Variants in PDE4B observed in about 807,000 individuals in gnomAD.
The protein encoded by PDE4B is phosphodiesterase 4B, also known as 3',5'-cyclic-AMP phosphodiesterase 4B.
Under a neutral mutation model 82.2 loss-of-function variants are expected in PDE4B, and 20 were observed. The ratio of observed to expected loss-of-function variants is 0.24; its 90% CI spans 0.17 to 0.35. PDE4B has a LOEUF of 0.35. Ranked by LOEUF, PDE4B falls within the 10% of genes least tolerant of loss-of-function variation. PDE4B has a pLI of 1.00. For synonymous variants in PDE4B, 320 were observed against 318.9 expected (o/e 1.00, Z -0.04); for missense variants, 655 against 907.2 (o/e 0.72, Z 3.57).
intron 1 of PDE4B, among the ~76,000 whole-genome samples, chr1:65,799,235 A>G (rs1645667907): frequency 6.6e-6 from 1 of 152,212 alleles, no homozygotes; most frequent in African/African-American, 2.4e-5. Context: ...AGCCATAAGG[A>G]AATCTAAGTT....
chr1:66,148,145 C>T (rs1400684578), intron 3 of PDE4B, among the ~76,000 whole-genome samples: 1 of 152,042 alleles, frequency 6.6e-6, no homozygotes, highest in Non-Finnish European at 1.5e-5. Flanking sequence ...TGGTGAGTAC[C>T]TGTAATTTCA....
chr1:66,091,893 A>G (rs1645032881), intron 3 of PDE4B, among the ~76,000 whole-genome samples: 1 of 152,120 alleles, frequency 6.6e-6, no homozygotes, highest in African/African-American at 2.4e-5. Flanking sequence ...AAGACAAATT[A>G]TACTGGGTAA....
intron 3 of PDE4B, among the ~76,000 whole-genome samples, chr1:66,083,312 A>G (rs963276604): frequency 6.6e-6 from 1 of 152,046 alleles, no homozygotes; most frequent in African/African-American, 2.4e-5. Context: ...GCCTAACTAT[A>G]TAATCATTTT....
chr1:65,958,987 C>T (rs1649412804), intron 3 of PDE4B, among the ~76,000 whole-genome samples: 1 of 152,154 alleles, frequency 6.6e-6, no homozygotes, highest in Non-Finnish European at 1.5e-5. Context: ...CTGTGCTTCC[C>T]AGATGCAGAA....
At chr1:66,312,466 C>T (rs1570672365) in intron 7 of PDE4B, among the ~76,000 whole-genome samples, 1 of 152,196 alleles carries the variant, frequency 6.6e-6, no homozygotes, top group South Asian at 2.1e-4. Context: ...CTGGTCAGAC[C>T]TTTCTCACCT....
chr1:66,339,724 A>G (rs904621774), intron 8 of PDE4B, among the ~76,000 whole-genome samples: 1 of 152,228 alleles, frequency 6.6e-6, no homozygotes, highest in Non-Finnish European at 1.5e-5. Flanking sequence ...ATGTAAATGT[A>G]GAACACTAGT....
intron 3 of PDE4B, among the ~76,000 whole-genome samples, chr1:66,129,338 G>A (rs1570302856): frequency 6.6e-6 from 1 of 152,160 alleles, no homozygotes; most frequent in African/African-American, 2.4e-5. Context: ...TGCCCCTTAC[G>A]AAGTCTGTAA....
intron 1 of PDE4B, among the ~76,000 whole-genome samples, chr1:65,839,872 A>G (rs1447992604): frequency 1.3e-5 from 2 of 152,158 alleles, no homozygotes; most frequent in Non-Finnish European, 2.9e-5. Context: ...GGTTGAACTA[A>G]TTTACACTCC....
chr1:66,361,763 C>A lies in PDE4B; in HGVS notation c.990C>A (p.Val330=). Residue 330 remains valine, a synonymous_variant, in exon 10 of 17, where the codon GTC becomes GTA. Transcript: ENST00000341517. ...LNNTSISRFG[V]NTENEDHLAK... is the part of the protein sequence containing the mutation. ...ATACAAGCATCTCACGCTTTGGAGT[C>A]AACACTGAAAATGAAGATCACCTGG... 1.2e-6 allele frequency: 2 copies of A among 1,612,234 alleles called. No homozygotes were observed. Among genetic ancestry groups the A allele is most frequent in the South Asian group, 2.2e-5 (2 of 90,846 alleles).
intron 3 of PDE4B, among the ~76,000 whole-genome samples, chr1:66,059,482 A>G (rs142890074): frequency 2.0e-5 from 3 of 152,286 alleles, no homozygotes; most frequent in African/African-American, 4.8e-5. Context: ...TCAATTTACA[A>G]AAGGAAGAAG....
intron 1 of PDE4B, among the ~76,000 whole-genome samples, chr1:65,889,869 G>A (rs537714223): frequency 2.0e-5 from 3 of 152,162 alleles, no homozygotes; most frequent in South Asian, 4.1e-4. Flanking sequence ...ATGACTATTG[G>A]TATAAACAGT....
chr1:65,962,940 A>C (rs1649618507), intron 3 of PDE4B, among the ~76,000 whole-genome samples: 3 of 152,160 alleles, frequency 2.0e-5, no homozygotes. Flanking sequence ...GTGGGCTAGG[A>C]AGTATTTAAC....
At chr1:66,132,049 G>A (rs1645961623) in intron 3 of PDE4B, among the ~76,000 whole-genome samples, 1 of 152,154 alleles carries the variant, frequency 6.6e-6, no homozygotes, top group South Asian at 2.1e-4. Flanking sequence ...TTTAGGGTTA[G>A]GTAAGAGCCC....
chr1:65,864,602 C>T (rs1571034657), intron 1 of PDE4B, among the ~76,000 whole-genome samples: 1 of 152,192 alleles, frequency 6.6e-6, no homozygotes, highest in South Asian at 2.1e-4. Flanking sequence ...GTTAGTTTTT[C>T]TTCTAACAGT....
chr1:65,868,286 C>T (rs1039831396), intron 1 of PDE4B, among the ~76,000 whole-genome samples: 1 of 152,184 alleles, frequency 6.6e-6, no homozygotes, highest in Non-Finnish European at 1.5e-5. Context: ...GATATTACTA[C>T]TATGTTCCGG....
intron 1 of PDE4B, among the ~76,000 whole-genome samples, chr1:65,868,590 C>T (rs1371475611): frequency 3.9e-5 from 6 of 152,182 alleles, no homozygotes; most frequent in Non-Finnish European, 1.5e-5. Flanking sequence ...GTGAGAGGGA[C>T]TCTGCTAGGC....
At chr1:66,095,841 A>G (rs1172673113) in intron 3 of PDE4B, among the ~76,000 whole-genome samples, 1 of 151,968 alleles carries the variant, frequency 6.6e-6, no homozygotes, top group Non-Finnish European at 1.5e-5. Flanking sequence ...GTTAACCCAC[A>G]AATCAACTAC....
intron 3 of PDE4B, among the ~76,000 whole-genome samples, chr1:66,109,669 T>C (rs1021228840): frequency 6.6e-6 from 1 of 151,914 alleles, no homozygotes; most frequent in Non-Finnish European, 1.5e-5. Context: ...TTTTAATATA[T>C]TCATAATTTA....
chr1:66,100,281 G>A (rs1645196612), intron 3 of PDE4B, among the ~76,000 whole-genome samples: 1 of 152,116 alleles, frequency 6.6e-6, no homozygotes, highest in Non-Finnish European at 1.5e-5. Flanking sequence ...TCGAGCTCCT[G>A]ACCTCAGGTG....
Sources: gnomAD v4.1 joint callset for allele counts (sites outside exome capture counted in the v4.1 genomes callset) on GRCh38, gnomAD v4.1.1 for gene constraint, MANE v1.5 for transcripts, NCBI Gene and HGNC (gene_info 2026-07-23, HGNC 2026-07-21) for gene names.